The following SPATA17 variants were observed in gnomAD, a reference collection of about 807,000 sequenced individuals.
SPATA17 encodes spermatogenesis-associated protein 17.
In SPATA17, 53 loss-of-function variants were observed where a neutral mutation model predicts 62.2. The observed-to-expected ratio is 0.85, with a 90% CI of 0.68 to 1.07. The LOEUF is 1.07. Ranked by LOEUF, SPATA17 falls within the 50% of genes least tolerant of loss-of-function variation. The pLI is 0.00. For missense variants in SPATA17, 466 were observed against 425.5 expected (o/e 1.10, Z -0.84); for synonymous variants, 146 against 146.8 (o/e 0.99, Z 0.04).
At chr1:217,634,624 A>C (rs1355868040) in intron 1 of SPATA17, among the ~76,000 whole-genome samples, 4 of 152,254 alleles carry the variant, frequency 2.6e-5, no homozygotes, top group South Asian at 4.1e-4. Flanking sequence ...CCCAAACCAT[A>C]ATTTCTAATC....
chr1:217,772,486 A>G (rs763193248), intron 6 of SPATA17, among the ~76,000 whole-genome samples: 5 of 152,208 alleles, frequency 3.3e-5, no homozygotes, highest in Non-Finnish European at 5.9e-5. Context: ...AGGTGACTCA[A>G]ATAGGTCTTT....
intron 6 of SPATA17, among the ~76,000 whole-genome samples, chr1:217,755,625 C>T (rs952961554): frequency 1.3e-5 from 2 of 151,884 alleles, no homozygotes; most frequent in African/African-American, 4.8e-5. Context: ...CAATATTTTC[C>T]ATTAACTTTT....
rs1001617337 is a variant in SPATA17, at chr1:217,744,477, A to G, written c.519+2379A>G. ...GACTCCGTCTCAAAAAAAAAAAAAAAAAAAAAAAGAATTTTCACAAACCTG... is the reference window on the plus strand; with the variant it reads ...GACTCCGTCTCAAAAAAAAAAAAAAGAAAAAAAAGAATTTTCACAAACCTG... On this transcript the variant is annotated intron_variant, in intron 6 of 10. Coordinates refer to ENST00000366933, the MANE Select transcript of SPATA17 (RefSeq NM_138796.4). Among the ~76,000 whole-genome samples the G allele has an allele frequency of 1.1e-4, 5 of 44,266 alleles. 2 individuals are homozygous for G. The highest frequency in any genetic ancestry group is 4.4e-4 in the Non-Finnish European group (5 of 11,236). The allele number at this position is 44,266 out of a possible 152,430, so 29.0% of individuals were successfully genotyped here. A position where few individuals can be genotyped will look rare whatever the true frequency, so the allele number is the denominator to read the frequency against.
rs112917333 is a variant in SPATA17 at position 217,676,335 on chromosome 1, G to T, written c.292-6923G>T. Among the ~76,000 whole-genome samples, 1,090 of 152,180 alleles carry T rather than the reference G, an allele frequency of 7.2e-3. 16 individuals carry two copies. The highest frequency in any genetic ancestry group is 0.025 in the African/African-American group (1,038 of 41,486). On this transcript the variant is annotated intron_variant, in intron 4 of 10. Coordinates refer to ENST00000366933, the MANE Select transcript of SPATA17 (RefSeq NM_138796.4). ...AAAGAGAATTTGTCATTTCTTTGCT[G>T]GTTGAAGTCCAAGGTGCAGATCACA...
intron 5 of SPATA17, among the ~76,000 whole-genome samples, chr1:217,718,604 C>G (rs1318890997): frequency 6.6e-6 from 1 of 151,922 alleles, no homozygotes; most frequent in Non-Finnish European, 1.5e-5. Flanking sequence ...AAGAGTATTC[C>G]TACAAAGTAT....
At chr1:217,824,420 T>A (rs187044484) in intron 9 of SPATA17, among the ~76,000 whole-genome samples, 27 of 151,596 alleles carry the variant, frequency 1.8e-4, no homozygotes, top group Admixed American at 1.5e-3. Flanking sequence ...AAAATAATTG[T>A]ACAATAAATT....
chr1:217,833,317 G>C (rs948443006), intron 9 of SPATA17, among the ~76,000 whole-genome samples: 1 of 152,170 alleles, frequency 6.6e-6, no homozygotes, highest in Non-Finnish European at 1.5e-5. Context: ...ATCAACTGGA[G>C]AAGAAGTAAC....
chr1:217,804,772 C>A (rs898602064), intron 9 of SPATA17, among the ~76,000 whole-genome samples: 2 of 152,104 alleles, frequency 1.3e-5, no homozygotes, highest in East Asian at 1.9e-4. Context: ...AAATGGCCAA[C>A]AAGTATATGA....
At chr1:217,795,767 A>G (rs1420718681) in intron 8 of SPATA17, among the ~76,000 whole-genome samples, 5 of 152,024 alleles carry the variant, frequency 3.3e-5, no homozygotes, top group Non-Finnish European at 5.9e-5. Context: ...TGCTCTGGAT[A>G]TAGTTGTTTG....
Position 217,801,819 on chromosome 1 carries a change from G to A in SPATA17, c.974G>A (p.Ser325Asn), listed in dbSNP as rs896595241. ...GPISYKEQFR[S>N]ENPKKWICDK... ...ATTTCTTACAAAGAACAATTCCGAA[G>A]TGAAAATCCTAAGAAATGGATCTGT... The change falls in exon 9 of 11, where the codon AGT (serine) becomes AAT (asparagine). Residue 325 changes from serine (S) to asparagine (N), a missense_variant. Transcript: ENST00000366933. 6.2e-7 allele frequency: 1 copy of A among 1,610,154 alleles called. No individual in the cohort carries two copies. The highest frequency in any genetic ancestry group is 8.5e-7 in the Non-Finnish European group (1 of 1,178,850).
intron 9 of SPATA17, among the ~76,000 whole-genome samples, chr1:217,812,353 T>C (rs1216196112): frequency 6.6e-6 from 1 of 152,104 alleles, no homozygotes; most frequent in Non-Finnish European, 1.5e-5. Flanking sequence ...TGAAGAGCAC[T>C]ATACAAAGAA....
intron 1 of SPATA17, among the ~76,000 whole-genome samples, chr1:217,641,076 TG>T (rs1320222977): frequency 1.3e-5 from 2 of 152,126 alleles, no homozygotes; most frequent in Non-Finnish European, 2.9e-5. Flanking sequence ...GCAAAAATTT[TG>T]TTTCGAAAAC....
Position 217,683,327 on chromosome 1 carries a change from C to A in SPATA17, c.361C>A (p.Leu121Met), listed in dbSNP as rs762816320. 2 of 1,609,530 alleles carry A rather than the reference C, an allele frequency of 1.2e-6. No homozygotes were observed. The highest frequency in any genetic ancestry group is 3.4e-5 in the Admixed American group (2 of 59,368). ...TAATTATTATTATTTGAAAGAGTAC[C>A]TGAAAGTCGTTTCAGAGACCAATGA... ...LFNYYYLKEY[L>M]KVVSETNDAI... is the part of the protein sequence containing the mutation. Residue 121 changes from leucine (L) to methionine (M), a missense_variant, in exon 5 of 11, where the codon CTG (leucine) becomes ATG (methionine). Coordinates refer to ENST00000366933, the MANE Select transcript of SPATA17 (RefSeq NM_138796.4).
At chr1:217,696,031 C>T (rs1671447916) in intron 5 of SPATA17, among the ~76,000 whole-genome samples, 3 of 151,944 alleles carry the variant, frequency 2.0e-5, no homozygotes, top group Admixed American at 1.3e-4. Context: ...CCAGTTCGAG[C>T]TTCCTGGCTG....
chr1:217,847,140 C>G (rs995139685), intron 9 of SPATA17, among the ~76,000 whole-genome samples: 3 of 151,768 alleles, frequency 2.0e-5, no homozygotes, highest in Non-Finnish European at 2.9e-5. Context: ...TCTATTCTAT[C>G]CTCTCAATCT....
chr1:217,842,034 C>G lies in SPATA17; in HGVS notation c.1006-20740C>G, dbSNP rs531807968. ...GCTAGGAGATTATTATTTTTAAAAT[C>G]ATAAGTAGGTATTAAACTTTATCAA... is the stretch of plus-strand genomic sequence containing the variant. On this transcript the variant is annotated intron_variant, in intron 9 of 10. Transcript: ENST00000366933. Among the ~76,000 whole-genome samples, 12 of 151,794 alleles carry G rather than the reference C, an allele frequency of 7.9e-5. 1 individual carries two copies. The highest frequency in any genetic ancestry group is 2.4e-4 in the African/African-American group (10 of 41,472).
chr1:217,713,524 T>C (rs1671928470), intron 5 of SPATA17, among the ~76,000 whole-genome samples: 1 of 152,230 alleles, frequency 6.6e-6, no homozygotes, highest in African/African-American at 2.4e-5. Context: ...AAATTTATAA[T>C]GATCTATGGA....
At chr1:217,640,275 A>G (rs542294014) in intron 1 of SPATA17, among the ~76,000 whole-genome samples, 66 of 152,204 alleles carry the variant, frequency 4.3e-4, no homozygotes, top group African/African-American at 1.5e-3. Flanking sequence ...AAGGCATAAA[A>G]ATTGCAAAGG....
At chr1:217,649,034 A>T in intron 2 of SPATA17, 63 bp downstream of exon 2, 1 of 1,173,430 alleles carries the variant, frequency 8.5e-7, no homozygotes, top group Non-Finnish European at 1.2e-6. Context: ...TAGAAAATGT[A>T]ATTTATTCAT....
Sources: allele counts gnomAD v4.1 joint callset (sites outside exome capture counted in the v4.1 genomes callset), GRCh38; gene constraint gnomAD v4.1.1; transcripts MANE v1.5; gene names NCBI Gene and HGNC (gene_info 2026-07-23, HGNC 2026-07-21).